The following SCN8A variants were observed in gnomAD, a reference collection of about 807,000 sequenced individuals.
The protein encoded by SCN8A is sodium voltage-gated channel alpha subunit 8, also known as sodium channel protein type 8 subunit alpha.
Under a neutral mutation model 184.1 loss-of-function variants are expected in SCN8A, and 30 were observed. The observed-to-expected ratio is 0.16, with a 90% confidence interval of 0.12 to 0.22. The LOEUF (loss-of-function observed/expected upper bound fraction) is 0.22, where lower values mean the gene tolerates loss of function less well. Among genes scored for constraint, SCN8A ranks in the 10% least tolerant of loss-of-function variants. SCN8A has a pLI of 1.00. For missense variants in SCN8A, 1,057 were observed against 2,498.9 expected (o/e 0.42, Z 12.30); for synonymous variants, 852 against 907.0 (o/e 0.94, Z 1.09).
At chr12:51,694,293 G>A (rs1941558625) in intron 6 of SCN8A, among the ~76,000 whole-genome samples, 2 of 152,204 alleles carry the variant, frequency 1.3e-5, no homozygotes, top group Admixed American at 1.3e-4. Flanking sequence ...CAATATGCTT[G>A]ACTGATTTTT....
intron 1 of SCN8A, among the ~76,000 whole-genome samples, chr12:51,618,492 CACACACACACACACACAG>C: frequency 6.6e-6 from 1 of 150,508 alleles, no homozygotes; most frequent in African/African-American, 2.4e-5. Flanking sequence ...CACACACACA[CACACACACACACACACAG>C]AAAGAAAAAA....
intron 2 of SCN8A, among the ~76,000 whole-genome samples, chr12:51,681,284 G>C (rs111389617): frequency 6.6e-6 from 1 of 152,192 alleles, no homozygotes; most frequent in Non-Finnish European, 1.5e-5. Flanking sequence ...TGAGAGGCTC[G>C]AAGCTCGGCA....
rs572157874 is a variant in SCN8A, at chr12:51,732,476, C to T, written c.1998+10568C>T. ...CATGCTGTTCTGGTTACTATAGCTCCGTTGTATAATTTAAAATCAAGTAAT... is the reference window on the plus strand; with the variant it reads ...CATGCTGTTCTGGTTACTATAGCTCTGTTGTATAATTTAAAATCAAGTAAT... On this transcript the variant is annotated intron_variant, in intron 12 of 26. Coordinates refer to ENST00000627620, the MANE Select transcript of SCN8A (RefSeq NM_001330260.2). Among the ~76,000 whole-genome samples the T allele has an allele frequency of 1.3e-4, 20 of 152,112 alleles. No homozygotes were observed. In the East Asian group the frequency reaches 2.3e-3, roughly 18 times the overall value.
chr12:51,790,013 G>A (rs1208020128), intron 24 of SCN8A, among the ~76,000 whole-genome samples: 2 of 152,202 alleles, frequency 1.3e-5, no homozygotes, highest in Non-Finnish European at 2.9e-5. Flanking sequence ...TTGGCTATCA[G>A]CCAGGACACA....
chr12:51,687,323 G>GTGT, intron 5 of SCN8A, 104 bp downstream of exon 5: 1 of 1,337,026 alleles, frequency 7.5e-7, no homozygotes, highest in Non-Finnish European at 1.0e-6. Flanking sequence ...ACAGCTGTAT[G>GTGT]AGGAATTAAT....
At chr12:51,766,548 T>G (rs1942841138) in intron 16 of SCN8A, among the ~76,000 whole-genome samples, 1 of 152,178 alleles carries the variant, frequency 6.6e-6, no homozygotes, top group Admixed American at 6.5e-5. Flanking sequence ...TTGCCAGATG[T>G]CCCTGGGGGG....
chr12:51,767,659 T>G (rs1942859029), intron 16 of SCN8A, among the ~76,000 whole-genome samples: 1 of 152,224 alleles, frequency 6.6e-6, no homozygotes, highest in Non-Finnish European at 1.5e-5. Context: ...ATACCAAATC[T>G]ACTGAATCCA....
At chr12:51,770,343 T>C in intron 18 of SCN8A, 186 bp from the exon 19 acceptor site, 1 of 659,030 alleles carries the variant, frequency 1.5e-6, no homozygotes, top group South Asian at 2.1e-5. Context: ...CTTGCCCCAT[T>C]AGCCTTTGCA....
At chr12:51,795,942 G>A (rs1354712785) in intron 26 of SCN8A, among the ~76,000 whole-genome samples, 1 of 151,984 alleles carries the variant, frequency 6.6e-6, no homozygotes, top group East Asian at 1.9e-4. Flanking sequence ...AGTTACTTGG[G>A]AGGCTGAGGT....
Position 51,689,137 on chromosome 12 carries a change from C to G in SCN8A, c.706+41C>G, listed in dbSNP as rs540984006. ...CATAAGACTGACTTTGCCACATCTC[C>G]TCTTTCTCCTCCATTCGTTTTGTCC... On this transcript the variant is annotated intron_variant, in intron 6 of 26. Coordinates refer to ENST00000627620, the MANE Select transcript of SCN8A (RefSeq NM_001330260.2). 127 of 1,386,068 alleles carry G rather than the reference C, an allele frequency of 9.2e-5. No homozygotes were observed. In the African/African-American group the frequency reaches 1.4e-3, roughly 16 times the overall value. The allele number at this position is 1,386,068 out of a possible 1,614,324, so 85.9% of individuals were successfully genotyped here. A position where few individuals can be genotyped will look rare whatever the true frequency, so the allele number is the denominator to read the frequency against.
At chr12:51,663,626 G>T (rs1460509555) in intron 2 of SCN8A, among the ~76,000 whole-genome samples, 1 of 152,164 alleles carries the variant, frequency 6.6e-6, no homozygotes, top group Non-Finnish European at 1.5e-5. Flanking sequence ...CAGTTGTCTG[G>T]ATTGATTCTT....
intron 12 of SCN8A, among the ~76,000 whole-genome samples, chr12:51,728,855 C>G (rs1046248413): frequency 6.6e-6 from 1 of 152,132 alleles, no homozygotes; most frequent in Admixed American, 6.5e-5. Flanking sequence ...CATGCACCCC[C>G]CAACCCATCA....
At chr12:51,639,332 A>G (rs931284865) in intron 1 of SCN8A, among the ~76,000 whole-genome samples, 7 of 152,216 alleles carry the variant, frequency 4.6e-5, no homozygotes, top group Non-Finnish European at 8.8e-5. Flanking sequence ...TTGAAATGAC[A>G]ACAATATATT....
chr12:51,668,753 T>G (rs1448481352), intron 2 of SCN8A, among the ~76,000 whole-genome samples: 1 of 152,230 alleles, frequency 6.6e-6, no homozygotes, highest in Non-Finnish European at 1.5e-5. Context: ...ACATGTGATC[T>G]TGAGGCAATT....
chr12:51,593,875 A>G (rs1481525920), intron 1 of SCN8A, among the ~76,000 whole-genome samples: 1 of 152,148 alleles, frequency 6.6e-6, no homozygotes, highest in African/African-American at 2.4e-5. Flanking sequence ...CATAAGTGAC[A>G]TTTTGCTGAC....
At chr12:51,648,025 G>A (rs180785530) in intron 1 of SCN8A, among the ~76,000 whole-genome samples, 2 of 128,212 alleles carry the variant, frequency 1.6e-5, no homozygotes, top group South Asian at 2.5e-4. Context: ...AGATGGTGGC[G>A]TGAGGTGTGC....
intron 26 of SCN8A, among the ~76,000 whole-genome samples, chr12:51,797,884 C>T (rs1292740002): frequency 6.6e-6 from 1 of 152,182 alleles, no homozygotes; most frequent in African/African-American, 2.4e-5. Flanking sequence ...GACAGCATTC[C>T]TCCCTCTGGA....
intron 1 of SCN8A, among the ~76,000 whole-genome samples, chr12:51,622,472 C>T (rs1376198469): frequency 6.6e-6 from 1 of 152,028 alleles, no homozygotes. Flanking sequence ...TTTTTAATAA[C>T]CTTGGTAGGT....
At position 51,705,461 on chromosome 12, in the gene SCN8A, G is replaced by A. The variant is rs1436182610; in HGVS notation, c.1179G>A (p.Leu393=). The change falls in exon 10 of 27, where the codon TTG becomes TTA. Residue 393 remains leucine (L), a synonymous_variant. Transcript: ENST00000627620. ...AGKTYMIFFV[L]VIFVGSFYLV... is the part of the protein sequence containing the mutation. ...AAACATACATGATCTTCTTCGTCTTGGTCATCTTTGTGGGTTCTTTCTATC... is the reference window on the plus strand; with the variant it reads ...AAACATACATGATCTTCTTCGTCTTAGTCATCTTTGTGGGTTCTTTCTATC... 1 of 1,613,958 alleles carries A rather than the reference G, an allele frequency of 6.2e-7. No individual in the cohort carries two copies. Among genetic ancestry groups the A allele is most frequent in the East Asian group, 2.2e-5 (1 of 44,884 alleles).
Sources: gnomAD v4.1 joint callset for allele counts (sites outside exome capture counted in the v4.1 genomes callset) on GRCh38, gnomAD v4.1.1 for gene constraint, MANE v1.5 for transcripts, NCBI Gene and HGNC (gene_info 2026-07-23, HGNC 2026-07-21) for gene names.